Variants in CTSB observed in about 807,000 individuals in gnomAD.
CTSB encodes the protein cathepsin B.
A neutral mutation model predicts 44.3 loss-of-function variants in CTSB; 57 were observed. The ratio of observed to expected loss-of-function variants is 1.29; its 90% confidence interval spans 1.04 to 1.60. The LOEUF (loss-of-function observed/expected upper bound fraction) is 1.60, where lower values mean the gene tolerates loss of function less well. CTSB is among the 40% of genes most tolerant of loss of function. The pLI is 0.00. For missense variants in CTSB, 768 were observed against 443.0 expected (o/e 1.73, Z -6.59); for synonymous variants, 320 against 168.0 (o/e 1.91, Z -7.00).
At chr8:11,867,352 C>G (rs1817305973) in intron 1 of CTSB, 2 of 152,510 alleles carry the variant, frequency 1.3e-5, no homozygotes, top group African/African-American at 2.4e-5. Context: ...GGCATCCAAT[C>G]GCCCATTCGC....
At chr8:11,847,024 T>G (rs1563383680) in intron 8 of CTSB, 28 bp downstream of exon 8, 51 of 642,424 alleles carry the variant, frequency 7.9e-5, no homozygotes, top group Non-Finnish European at 1.3e-4. Flanking sequence ...ACCCCCACCC[T>G]CTATTGCCAT....
chr8:11,852,509 G>T, intron 3 of CTSB, 101 bp downstream of exon 3: 1 of 816,014 alleles, frequency 1.2e-6, no homozygotes, highest in Non-Finnish European at 1.9e-6. Context: ...GGCAGCATGA[G>T]CCCTGCGGAC....
chr8:11,851,106 G>C (rs1044406533), intron 3 of CTSB, 126 bp from the exon 4 acceptor site: 3 of 568,674 alleles, frequency 5.3e-6, no homozygotes, highest in Admixed American at 5.7e-5. Flanking sequence ...TGCCGAAGAA[G>C]GCTGCAGACA....
rs1383610354 is a variant in CTSB, at chr8:11,844,202, C to G, written c.*923G>C. 1 of 152,112 alleles carries G rather than the reference C, an allele frequency of 6.6e-6. No homozygotes were observed. Among genetic ancestry groups the G allele is most frequent in the Non-Finnish European group, 1.5e-5 (1 of 68,028 alleles). 9.4% of individuals were successfully genotyped at this position (152,112 alleles called of 1,614,324 possible). On this transcript the variant is annotated 3_prime_UTR_variant, in exon 10 of 10. Transcript: ENST00000353047. ...GGCAGCGAGAAGTTAAGATGAAGTCCCAAGAGTCGCAAGAACATGCAGTTC... is the reference window on the plus strand; with the variant it reads ...GGCAGCGAGAAGTTAAGATGAAGTCGCAAGAGTCGCAAGAACATGCAGTTC...
rs544253754 is a variant in CTSB, at chr8:11,851,672, T to C, written c.213-692A>G. On this transcript the variant is annotated intron_variant, in intron 3 of 9. Coordinates refer to ENST00000353047, the MANE Select transcript of CTSB (RefSeq NM_001908.5). ...TCATCATTTCTCATATCATCCCCAT[T>C]GTGCAGAAGGCAGTGTCGTGCAACT... Among the ~76,000 whole-genome samples, 213 of 152,172 alleles carry C rather than the reference T, an allele frequency of 1.4e-3. 1 individual carries two copies. The highest frequency in any genetic ancestry group is 2.1e-3 in the Non-Finnish European group (141 of 67,994).
intron 1 of CTSB, among the ~76,000 whole-genome samples, chr8:11,858,632 A>T (rs1815907172): frequency 6.6e-6 from 1 of 152,194 alleles, no homozygotes; most frequent in African/African-American, 2.4e-5. Context: ...TTTAACATCC[A>T]AAAATGCTTC....
chr8:11,853,542 AG>A, intron 1 of CTSB, 63 bp from the exon 2 acceptor site: 1 of 1,501,056 alleles, frequency 6.7e-7, no homozygotes, highest in Non-Finnish European at 9.0e-7. Context: ...TCACACACAC[AG>A]GGGCACCGTC....
At chr8:11,851,165 G>A (rs1438608340) in intron 3 of CTSB, among the ~76,000 whole-genome samples, 185 bp from the exon 4 acceptor site, 1 of 140,320 alleles carries the variant, frequency 7.1e-6, no homozygotes, top group Non-Finnish European at 1.6e-5. Flanking sequence ...GTTGCTCAAT[G>A]CACCTTTTGA....
At chr8:11,849,516 G>C (rs1739717078) in intron 4 of CTSB, 1 of 178,024 alleles carries the variant, frequency 5.6e-6, no homozygotes, top group African/African-American at 2.3e-5. Context: ...ACCTCTGCCT[G>C]GAAACTGGGT....
intron 3 of CTSB, 126 bp downstream of exon 3, chr8:11,852,484 G>C: frequency 1.8e-6 from 1 of 564,920 alleles, no homozygotes; most frequent in African/African-American, 1.9e-5. Flanking sequence ...ACCTCAAGCG[G>C]TGTCGGCAGC....
chr8:11,845,036 G>A lies in CTSB; in HGVS notation c.*89C>T, dbSNP rs975775937. ...CAATCCAGTCCTTCAGACCCTGTCTGAAACTTGTATCTTACGTGAACTTAA... is the reference window on the plus strand; with the variant it reads ...CAATCCAGTCCTTCAGACCCTGTCTAAAACTTGTATCTTACGTGAACTTAA... On this transcript the variant is annotated 3_prime_UTR_variant, in exon 10 of 10. Transcript: ENST00000353047. 1.8e-5 allele frequency: 17 copies of A among 920,352 alleles called. No homozygotes were observed. Among genetic ancestry groups the A allele is most frequent in the Middle Eastern group, 2.9e-4 (1 of 3,428 alleles). 57.0% of individuals were successfully genotyped at this position (920,352 alleles called of 1,614,324 possible).
chr8:11,852,472 G>GT, intron 3 of CTSB, 138 bp downstream of exon 3: 1 of 531,288 alleles, frequency 1.9e-6, no homozygotes. Context: ...AACAAGTACT[G>GT]TACCTCAAGC....
intron 1 of CTSB, among the ~76,000 whole-genome samples, chr8:11,855,218 CA>C (rs981723991): frequency 2.6e-5 from 4 of 151,986 alleles, no homozygotes; most frequent in Non-Finnish European, 5.9e-5. Context: ...GACAGGGTTT[CA>C]CCATTTTGGC....
chr8:11,847,189 G>C (rs368086362), intron 7 of CTSB, 21 bp from the exon 8 acceptor site: 6 of 1,535,426 alleles, frequency 3.9e-6, no homozygotes, highest in South Asian at 1.1e-5. Flanking sequence ...AACCGAGCTC[G>C]GGGTTGGGGA....
intron 1 of CTSB, among the ~76,000 whole-genome samples, chr8:11,856,083 C>G (rs924260092): frequency 6.6e-6 from 1 of 151,468 alleles, no homozygotes; most frequent in African/African-American, 2.4e-5. Context: ...CAGATAAAAT[C>G]AAGGAGGTAT....
At chr8:11,846,412 A>G (rs189812751) in intron 8 of CTSB, 1 of 152,470 alleles carries the variant, frequency 6.6e-6, no homozygotes, top group East Asian at 1.9e-4. Context: ...CCTTTGTCAA[A>G]CTGTTGTTTT....
rs781465318 is a variant in CTSB at position 11,847,867 on chromosome 8, G to T, written c.533-45C>A. The T allele has an allele frequency of 3.2e-6, 5 of 1,544,224 alleles. No individual in the cohort carries two copies. In the South Asian group the frequency reaches 6.1e-5, roughly 19 times the overall value. On this transcript the variant is annotated intron_variant, in intron 6 of 9. Coordinates refer to ENST00000353047, the MANE Select transcript of CTSB (RefSeq NM_001908.5). ...AGCGGAGTCAACCTACAGCCCCCACGGAGAAGACCTGGGGCAAGGCAAGCC... is the reference window on the plus strand; with the variant it reads ...AGCGGAGTCAACCTACAGCCCCCACTGAGAAGACCTGGGGCAAGGCAAGCC...
intron 5 of CTSB, chr8:11,848,500 C>T (rs1359821574): frequency 2.5e-6 from 1 of 396,176 alleles, no homozygotes; most frequent in Non-Finnish European, 4.9e-6. Flanking sequence ...AAAAACACCA[C>T]CAGTTCTCTG....
Position 11,853,398 on chromosome 8 carries a change from G to A in CTSB, c.57C>T (p.Ser19=), listed in dbSNP as rs759654926. ...CCGACAGGGGATGGAAAGAGGGCCT[G>A]CTCCGGGCATTGGCCAACACCAGCA... is the stretch of plus-strand genomic sequence containing the variant. The part of the protein sequence containing the change: ...CCLLVLANAR[S]RPSFHPLSDE... Residue 19 remains serine, a synonymous_variant, in exon 2 of 10, where the codon AGC becomes AGT. Coordinates refer to ENST00000353047, the MANE Select transcript of CTSB (RefSeq NM_001908.5). 1.7e-5 allele frequency: 27 copies of A among 1,612,788 alleles called. No homozygotes were observed. Among genetic ancestry groups the A allele is most frequent in the East Asian group, 2.2e-5 (1 of 44,846 alleles).
Sources: allele counts gnomAD v4.1 joint callset (sites outside exome capture counted in the v4.1 genomes callset), GRCh38; gene constraint gnomAD v4.1.1; transcripts MANE v1.5; gene names NCBI Gene and HGNC (gene_info 2026-07-23, HGNC 2026-07-21).